LIFR: variants seen among roughly 807,000 people sequenced by gnomAD.
LIFR encodes LIF receptor subunit alpha.
Under a neutral mutation model 122.2 loss-of-function variants are expected in LIFR, and 84 were observed. The ratio of observed to expected loss-of-function variants is 0.69; its 90% confidence interval spans 0.58 to 0.82. The LOEUF (loss-of-function observed/expected upper bound fraction) is 0.82. Among genes scored for constraint, LIFR ranks in the 40% least tolerant of loss-of-function variants. LIFR has a pLI of 0.00. For missense variants in LIFR, 1,294 were observed against 1,311.6 expected (o/e 0.99, Z 0.21); for synonymous variants, 422 against 434.7 (o/e 0.97, Z 0.36).
intron 1 of LIFR, among the ~76,000 whole-genome samples, chr5:38,546,604 T>C (rs1205530503): frequency 6.6e-6 from 1 of 152,208 alleles, no homozygotes; most frequent in African/African-American, 2.4e-5. Context: ...CACCTTTCCT[T>C]ACTGGTCTTC....
chr5:38,524,536 G>A (rs1047520779), intron 4 of LIFR, among the ~76,000 whole-genome samples: 19 of 152,188 alleles, frequency 1.2e-4, no homozygotes, highest in Admixed American at 1.1e-3. Context: ...AGAAATAAAC[G>A]GTTGGTTCTA....
In LIFR at chr5:38,493,767, T is replaced by TG; in HGVS notation, c.1903dup (p.Gln635ProfsTer26). 1 of 1,614,082 alleles carries TG rather than the reference T, an allele frequency of 6.2e-7. No individual in the cohort carries two copies. Among genetic ancestry groups the TG allele is most frequent in the South Asian group, 1.1e-5 (1 of 91,086 alleles). On this transcript the variant is annotated frameshift_variant, in exon 14 of 20. Coordinates refer to ENST00000453190, the MANE Select transcript of LIFR (RefSeq NM_001127671.2). LOFTEE classifies it high-confidence loss of function. ...AATCCCCTTTCCCATCCCAACAACT[T>TG]GTTCTATTTTGAGATCATCTTCAAT... is the stretch of plus-strand genomic sequence containing the variant.
At chr5:38,577,105 T>G (rs1178665006) in intron 1 of LIFR, among the ~76,000 whole-genome samples, 1 of 152,212 alleles carries the variant, frequency 6.6e-6, no homozygotes, top group African/African-American at 2.4e-5. Context: ...AGACACCAGT[T>G]AAAAAGATTT....
intron 1 of LIFR, among the ~76,000 whole-genome samples, chr5:38,552,015 T>C (rs531554650): frequency 7.9e-5 from 12 of 152,332 alleles, no homozygotes; most frequent in Admixed American, 3.3e-4. Context: ...GTGTTTCTAC[T>C]CTTTTACTGA....
chr5:38,549,287 A>ACACACACACACT lies in LIFR; in HGVS notation c.-20+7046_-20+7047insAGTGTGTGTGTG, dbSNP rs1491389562. Among the ~76,000 whole-genome samples, 11 of 137,930 alleles carry ACACACACACACT rather than the reference A, an allele frequency of 8.0e-5. No homozygotes were observed. The East Asian group carries it at 1.8e-3, about 22-fold the overall frequency. The allele number at this position is 137,930 out of a possible 152,430, so 90.5% of individuals were successfully genotyped here. ...CACACACACACACACACACACACAC[A>ACACACACACACT]CTCCATAAGCAAAAACAAGGATCAA... On this transcript the variant is annotated intron_variant, in intron 1 of 19. Coordinates refer to ENST00000453190, the MANE Select transcript of LIFR (RefSeq NM_001127671.2).
chr5:38,488,655 A>G (rs944123779), intron 16 of LIFR, among the ~76,000 whole-genome samples: 1 of 152,226 alleles, frequency 6.6e-6, no homozygotes, highest in Non-Finnish European at 1.5e-5. Context: ...CTAAGACGCT[A>G]ATAGGCCAAT....
intron 1 of LIFR, among the ~76,000 whole-genome samples, chr5:38,569,513 T>C (rs1048662006): frequency 2.6e-5 from 4 of 152,170 alleles, no homozygotes; most frequent in African/African-American, 4.8e-5. Flanking sequence ...GAACTGCACA[T>C]GTAAGGGATC....
intron 1 of LIFR, among the ~76,000 whole-genome samples, chr5:38,549,474 G>T (rs1439298512): frequency 6.6e-6 from 1 of 152,100 alleles, no homozygotes; most frequent in East Asian, 1.9e-4. Flanking sequence ...AGCATTTAAG[G>T]TGTTTCTAGT....
chr5:38,541,115 A>G (rs1045259348), intron 1 of LIFR, among the ~76,000 whole-genome samples: 1 of 152,222 alleles, frequency 6.6e-6, no homozygotes, highest in African/African-American at 2.4e-5. Flanking sequence ...AACAACAACT[A>G]AAATAAAGCC....
intron 16 of LIFR, among the ~76,000 whole-genome samples, chr5:38,487,175 T>C (rs576347822): frequency 1.2e-4 from 18 of 152,214 alleles, no homozygotes; most frequent in Non-Finnish European, 8.8e-5. Context: ...CTCTCTCCCC[T>C]GTGGCTTCCT....
chr5:38,607,524 C>T (rs1750355982), intron 1 of LIFR: 1 of 151,820 alleles, frequency 6.6e-6, no homozygotes, highest in African/African-American at 2.4e-5. Flanking sequence ...CTCTCTCTCT[C>T]TCTCTCTCTC....
intron 1 of LIFR, among the ~76,000 whole-genome samples, chr5:38,592,656 CAA>C (rs3079290): frequency 0.54 from 62,005 of 115,390 alleles, 13,965 homozygotes; most frequent in African/African-American, 0.68. Flanking sequence ...GACTCCGTCT[CAA>C]AAAAAAAAAA....
At position 38,528,845 on chromosome 5, in the gene LIFR, A is replaced by G; in HGVS notation, c.143-5T>C. On this transcript the variant is annotated splice_polypyrimidine_tract_variant and splice_region_variant and intron_variant, in intron 2 of 19. Coordinates refer to ENST00000453190, the MANE Select transcript of LIFR (RefSeq NM_001127671.2). ...ACTTCAAATCATGAGGAGCCCCTGG[A>G]GGAGACACACACACACACACACACA... The G allele has an allele frequency of 2.9e-6, 4 of 1,362,568 alleles. No homozygotes were observed. The highest frequency in any genetic ancestry group is 2.5e-5 in the South Asian group (2 of 79,604). The allele number at this position is 1,362,568 out of a possible 1,614,324, so 84.4% of individuals were successfully genotyped here.
chr5:38,533,475 G>T (rs1478108847), intron 1 of LIFR, among the ~76,000 whole-genome samples: 2 of 152,164 alleles, frequency 1.3e-5, no homozygotes, highest in Non-Finnish European at 2.9e-5. Flanking sequence ...TAAAGGCCTT[G>T]TTTGTGAAGA....
intron 1 of LIFR, among the ~76,000 whole-genome samples, chr5:38,575,953 C>A (rs573311405): frequency 2.6e-5 from 4 of 152,152 alleles, no homozygotes; most frequent in Non-Finnish European, 5.9e-5. Context: ...GGATTTATTC[C>A]TGTGTCACTG....
intron 1 of LIFR, among the ~76,000 whole-genome samples, chr5:38,577,848 T>C (rs1267942571): frequency 6.6e-6 from 1 of 152,224 alleles, no homozygotes; most frequent in Non-Finnish European, 1.5e-5. Flanking sequence ...CATTTAAGCA[T>C]GAAAGTATCA....
chr5:38,524,684 C>T (rs1024040958), intron 4 of LIFR, among the ~76,000 whole-genome samples: 10 of 152,066 alleles, frequency 6.6e-5, no homozygotes, highest in Non-Finnish European at 1.2e-4. Context: ...GAAGAAGACA[C>T]CATGGAGTCA....
rs542078826 is a variant in LIFR at position 38,574,171 on chromosome 5, G to A, written c.-20+21090C>T. Among the ~76,000 whole-genome samples, 16 of 152,004 alleles carry A rather than the reference G, an allele frequency of 1.1e-4. No individual in the cohort carries two copies. In the South Asian group the frequency reaches 3.3e-3, roughly 32 times the overall value. On this transcript the variant is annotated intron_variant, in intron 1 of 19. Transcript: ENST00000263409. ...ATCAAGGTAAGCCAACCACTTAAAA[G>A]CCCGGCCTGCCACTGCATCTGGTCT...
At chr5:38,501,528 C>T (rs1580050511) in intron 11 of LIFR, among the ~76,000 whole-genome samples, 1 of 152,076 alleles carries the variant, frequency 6.6e-6, no homozygotes, top group African/African-American at 2.4e-5. Flanking sequence ...CCAAGGCAGG[C>T]ACATCACAAG....
Sources: allele counts gnomAD v4.1 joint callset (sites outside exome capture counted in the v4.1 genomes callset), GRCh38; gene constraint gnomAD v4.1.1; transcripts MANE v1.5; gene names NCBI Gene and HGNC (gene_info 2026-07-23, HGNC 2026-07-21).